The following CCDC141 variants were observed in gnomAD, a reference collection of about 807,000 sequenced individuals.
The protein encoded by CCDC141 is coiled-coil domain containing 141, also known as coiled-coil domain-containing protein 141.
In CCDC141, 168 loss-of-function variants were observed where a neutral mutation model predicts 181.0. The ratio of observed to expected loss-of-function variants is 0.93; its 90% CI spans 0.82 to 1.05. The LOEUF (loss-of-function observed/expected upper bound fraction) is 1.05. Ranked by LOEUF, CCDC141 falls within the 50% of genes least tolerant of loss-of-function variation. CCDC141 has a pLI of 0.00. For synonymous variants in CCDC141, 666 were observed against 642.3 expected (o/e 1.04, Z -0.56); for missense variants, 1,902 against 1,788.5 (o/e 1.06, Z -1.14).
chr2:178,964,034 A>G (rs1559011461), intron 4 of CCDC141, among the ~76,000 whole-genome samples: 3 of 152,190 alleles, frequency 2.0e-5, no homozygotes, highest in Admixed American at 6.5e-5. Flanking sequence ...GGGTTCAGGA[A>G]AAGATCTGTC....
At chr2:178,856,235 A>G (rs371722272) in intron 18 of CCDC141, 22 bp downstream of exon 18, 1 of 1,590,614 alleles carries the variant, frequency 6.3e-7, no homozygotes, top group African/African-American at 1.4e-5. Context: ...GCGCACATAT[A>G]CAAACCATAC....
intron 6 of CCDC141, among the ~76,000 whole-genome samples, chr2:178,937,673 G>A (rs569524809): frequency 6.6e-6 from 1 of 152,140 alleles, no homozygotes; most frequent in East Asian, 1.9e-4. Flanking sequence ...TGTACCTCTG[G>A]TGGAATTTGG....
intron 22 of CCDC141, 121 bp downstream of exon 22, chr2:178,845,505 C>T: frequency 1.5e-6 from 1 of 645,492 alleles, no homozygotes; most frequent in Non-Finnish European, 2.8e-6. Flanking sequence ...ATTGCATTTA[C>T]ACTGGGAAAT....
At chr2:178,878,418 C>A (rs1686449356) in intron 11 of CCDC141, among the ~76,000 whole-genome samples, 1 of 151,066 alleles carries the variant, frequency 6.6e-6, no homozygotes, top group African/African-American at 2.4e-5. Flanking sequence ...CTCTCCTCAT[C>A]TTCCAAGTAT....
chr2:178,986,215 C>G (rs946627746), intron 2 of CCDC141, among the ~76,000 whole-genome samples: 5 of 152,152 alleles, frequency 3.3e-5, no homozygotes, highest in Admixed American at 1.3e-4. Context: ...AAGACAAAAA[C>G]CACATGATTA....
chr2:178,895,285 T>C (rs148273862), intron 8 of CCDC141, among the ~76,000 whole-genome samples: 40 of 152,286 alleles, frequency 2.6e-4, no homozygotes, highest in African/African-American at 5.5e-4. Flanking sequence ...ATATGTCCCC[T>C]CACATCTCTT....
chr2:178,839,229 T>C (rs1168952872), intron 22 of CCDC141, among the ~76,000 whole-genome samples: 1 of 151,962 alleles, frequency 6.6e-6, no homozygotes, highest in Non-Finnish European at 1.5e-5. Context: ...CTGGCTAACA[T>C]GGTGAAACCC....
intron 22 of CCDC141, among the ~76,000 whole-genome samples, chr2:178,839,758 A>G (rs988464406): frequency 6.6e-6 from 1 of 152,142 alleles, no homozygotes; most frequent in Non-Finnish European, 1.5e-5. Context: ...TCTAAAACCC[A>G]GATGTTCTTA....
At chr2:179,045,044 G>A (rs2043444577) in intron 2 of CCDC141, among the ~76,000 whole-genome samples, 1 of 149,380 alleles carries the variant, frequency 6.7e-6, no homozygotes, top group East Asian at 2.0e-4. Context: ...AAGTTTTAGG[G>A]TACATGTGCA....
intron 2 of CCDC141, among the ~76,000 whole-genome samples, chr2:179,015,761 A>ATG (rs1489716874): frequency 7.4e-5 from 10 of 134,968 alleles, no homozygotes; most frequent in Admixed American, 3.9e-4. Flanking sequence ...TATCTCATAT[A>ATG]TATCATATAT....
In CCDC141 at chr2:178,837,101, C is replaced by G. The variant is rs1313237142; in HGVS notation, c.4118G>C (p.Arg1373Thr). The change falls in exon 23 of 24, where the codon AGG (arginine) becomes ACG (threonine). Residue 1373 changes from arginine to threonine, a missense_variant. Physicochemically the swap from Arg to Thr is moderately conservative, Grantham distance 71. Coordinates refer to ENST00000443758, the MANE Select transcript of CCDC141 (RefSeq NM_173648.4). ...HASSDAFSGL[R>T]FQSGTSRGYQ... is the part of the protein sequence containing the mutation. ...GCCCCTGCTGGTGCCTGATTGAAAC[C>G]TGAGGCCCGAGAATGCATCAGAGGA... 6.2e-7 allele frequency: 1 copy of G among 1,614,004 alleles called. No homozygotes were observed. Among genetic ancestry groups the G allele is most frequent in the Admixed American group, 1.7e-5 (1 of 60,000 alleles).
Position 178,843,188 on chromosome 2 carries a change from TGCGGGAAAAGTGTATGGCTAA to T in CCDC141, c.3474+2417_3474+2437del, listed in dbSNP as rs544451563. Among the ~76,000 whole-genome samples, 13 of 152,340 alleles carry T rather than the reference TGCGGGAAAAGTGTATGGCTAA, an allele frequency of 8.5e-5. No homozygotes were observed. The East Asian group carries it at 2.3e-3, about 27-fold the overall frequency. The stretch of plus-strand genomic sequence containing the variant: ...TTCCTGGGAGCTCCCATTTTGGTCT[TGCGGGAAAAGTGTATGGCTAA>T]AATTCAGGAGAATTGGGGTGACTGC... On this transcript the variant is annotated intron_variant, in intron 22 of 23. Transcript: ENST00000443758.
chr2:178,959,292 T>C (rs1176797742), intron 5 of CCDC141, among the ~76,000 whole-genome samples: 6 of 147,904 alleles, frequency 4.1e-5, no homozygotes, highest in African/African-American at 7.5e-5. Flanking sequence ...TAAAGTATAA[T>C]AATTAAAAAA....
chr2:179,015,374 T>TATATATCCCATATATGTATC (rs2042453730), intron 2 of CCDC141, among the ~76,000 whole-genome samples: 1 of 124,802 alleles, frequency 8.0e-6, no homozygotes, highest in African/African-American at 3.0e-5. Flanking sequence ...ATATGTATCA[T>TATATATCCCATATATGTATC]ATATATCTCA....
intron 7 of CCDC141, among the ~76,000 whole-genome samples, chr2:178,906,076 T>C (rs1465161047): frequency 6.6e-6 from 1 of 152,178 alleles, no homozygotes; most frequent in Non-Finnish European, 1.5e-5. Flanking sequence ...GATTAGAATT[T>C]TGTTCTGAAG....
intron 2 of CCDC141, among the ~76,000 whole-genome samples, chr2:178,990,584 T>TGGAGGGGAGGGGAGGGGAGTGGAGG (rs1692003581): frequency 3.5e-5 from 1 of 28,484 alleles, no homozygotes; most frequent in African/African-American, 7.2e-5. Context: ...GGGAGGGGAG[T>TGGAGGGGAGGGGAGGGGAGTGGAGG]GGAGGGGAGG....
chr2:179,039,178 A>G (rs1471646627), intron 2 of CCDC141, among the ~76,000 whole-genome samples: 1 of 152,070 alleles, frequency 6.6e-6, no homozygotes, highest in East Asian at 1.9e-4. Context: ...ACAGGAAAAT[A>G]TTTTTTCTTT....
intron 2 of CCDC141, among the ~76,000 whole-genome samples, chr2:179,025,420 A>T (rs2042810869): frequency 6.6e-6 from 1 of 152,038 alleles, no homozygotes; most frequent in Admixed American, 6.5e-5. Flanking sequence ...ACGAGATCTG[A>T]TGGTTTTAAA....
At chr2:178,931,142 G>A (rs1262468319) in intron 6 of CCDC141, among the ~76,000 whole-genome samples, 2 of 152,022 alleles carry the variant, frequency 1.3e-5, no homozygotes, top group East Asian at 1.9e-4. Context: ...AGACTATGAC[G>A]ACTATAAAAA....
Sources: allele counts gnomAD v4.1 joint callset (sites outside exome capture counted in the v4.1 genomes callset), GRCh38; gene constraint gnomAD v4.1.1; transcripts MANE v1.5; gene names NCBI Gene and HGNC (gene_info 2026-07-23, HGNC 2026-07-21).